Variants in RHBDD1 observed in about 807,000 individuals in gnomAD.
RHBDD1 encodes the protein rhomboid-related protein 4.
A neutral mutation model predicts 36.3 loss-of-function variants in RHBDD1; 38 were observed. That is an observed-to-expected ratio of 1.05 (90% CI 0.81 to 1.37). RHBDD1 has a LOEUF of 1.37. Among genes scored for constraint, RHBDD1 ranks in the 40% most tolerant of loss-of-function variants. The pLI is 0.00. For synonymous variants in RHBDD1, 151 were observed against 136.5 expected (o/e 1.11, Z -0.74); for missense variants, 393 against 377.6 (o/e 1.04, Z -0.34).
intron 3 of RHBDD1, among the ~76,000 whole-genome samples, chr2:226,844,439 A>G (rs1355582895): frequency 1.3e-5 from 2 of 152,230 alleles, no homozygotes; most frequent in African/African-American, 4.8e-5. Context: ...TTGTGGTAAT[A>G]TAACATATAT....
chr2:226,924,783 G>T (rs1314844840), intron 8 of RHBDD1, among the ~76,000 whole-genome samples: 2 of 152,146 alleles, frequency 1.3e-5, no homozygotes, highest in African/African-American at 4.8e-5. Flanking sequence ...TTGCTTTCTG[G>T]CAGTGCTGAG....
At chr2:226,966,284 G>A (rs1952622634) in intron 8 of RHBDD1, among the ~76,000 whole-genome samples, 1 of 152,192 alleles carries the variant, frequency 6.6e-6, no homozygotes, top group African/African-American at 2.4e-5. Context: ...ATCTGTCCTT[G>A]CACTCTTCAC....
chr2:226,875,387 A>T (rs892156620), intron 5 of RHBDD1, among the ~76,000 whole-genome samples: 1 of 152,236 alleles, frequency 6.6e-6, no homozygotes, highest in African/African-American at 2.4e-5. Flanking sequence ...ATCTTGAACA[A>T]TTCTGAATTA....
the RHBDD1 span, among the ~76,000 whole-genome samples, chr2:226,800,594 G>A: frequency 1.3e-5 from 2 of 152,284 alleles, no homozygotes; most frequent in Non-Finnish European, 2.9e-5. Context: ...GTGACGGGGG[G>A]ACTCACACCT....
At chr2:226,830,906 G>A (rs1940725023), upstream of RHBDD1, among the ~76,000 whole-genome samples, 1 of 152,186 alleles carries the variant, frequency 6.6e-6, no homozygotes, top group Non-Finnish European at 1.5e-5. Context: ...CTGGGCTCAA[G>A]CACTTTCTTA....
chr2:226,890,213 A>G (rs2125486359), intron 5 of RHBDD1, among the ~76,000 whole-genome samples: 1 of 152,352 alleles, frequency 6.6e-6, no homozygotes, highest in East Asian at 1.9e-4. Context: ...AAAAGACCTA[A>G]TAAGTGAGTA....
chr2:226,973,150 A>G (rs889162586), intron 8 of RHBDD1, among the ~76,000 whole-genome samples: 1 of 151,984 alleles, frequency 6.6e-6, no homozygotes, highest in African/African-American at 2.4e-5. Context: ...TCCTTTTTGC[A>G]GTGTGTATGT....
Position 226,942,395 on chromosome 2 carries a change from A to G in RHBDD1, c.856+28044A>G, listed in dbSNP as rs532697600. 12 of 175,226 alleles carry G rather than the reference A, an allele frequency of 6.8e-5. No homozygotes were observed. In the East Asian group the frequency reaches 2.2e-3, roughly 33 times the overall value. The allele number at this position is 175,226 out of a possible 1,614,324, so 10.9% of individuals were successfully genotyped here. A position where few individuals can be genotyped will look rare whatever the true frequency, so the allele number is the denominator to read the frequency against. ...GCTGGGACTACAGGTGCCCGCCACCACACCCGGCTAATTTTTTGTATTTTT... is the reference window on the plus strand; with the variant it reads ...GCTGGGACTACAGGTGCCCGCCACCGCACCCGGCTAATTTTTTGTATTTTT... On this transcript the variant is annotated intron_variant, in intron 8 of 8. Coordinates refer to ENST00000392062, the MANE Select transcript of RHBDD1 (RefSeq NM_001167608.3).
chr2:226,946,752 A>G (rs1951017889), intron 8 of RHBDD1, among the ~76,000 whole-genome samples: 1 of 152,200 alleles, frequency 6.6e-6, no homozygotes, highest in African/African-American at 2.4e-5. Flanking sequence ...AAATGGATAA[A>G]TTCCTGGACA....
chr2:226,979,675 C>T (rs893265562), intron 8 of RHBDD1, among the ~76,000 whole-genome samples: 1 of 152,206 alleles, frequency 6.6e-6, no homozygotes, highest in Non-Finnish European at 1.5e-5. Flanking sequence ...TACTGGCAAT[C>T]CACTGGATGG....
intron 8 of RHBDD1, among the ~76,000 whole-genome samples, chr2:226,950,535 T>G (rs945644863): frequency 1.3e-5 from 2 of 152,240 alleles, no homozygotes; most frequent in African/African-American, 4.8e-5. Flanking sequence ...CCTACTGACT[T>G]CAGTTCCTTT....
At chr2:226,827,282 G>GT in the RHBDD1 span, among the ~76,000 whole-genome samples, 1 of 152,148 alleles carries the variant, frequency 6.6e-6, no homozygotes, top group Non-Finnish European at 1.5e-5. Flanking sequence ...GTTTTTAAAA[G>GT]TAAGATTTAA....
intron 5 of RHBDD1, among the ~76,000 whole-genome samples, chr2:226,880,493 A>G (rs1945629137): frequency 6.6e-6 from 1 of 152,182 alleles, no homozygotes; most frequent in Admixed American, 6.5e-5. Flanking sequence ...ATTTTATGAG[A>G]TGAGAAGGAG....
intron 8 of RHBDD1, among the ~76,000 whole-genome samples, chr2:226,939,097 G>T (rs539993082): frequency 5.3e-5 from 8 of 152,212 alleles, no homozygotes; most frequent in Middle Eastern, 3.4e-3. Context: ...GTTAAAAACT[G>T]TCAATAAACT....
chr2:226,877,522 AT>A (rs920803239), intron 5 of RHBDD1, among the ~76,000 whole-genome samples: 66 of 108,950 alleles, frequency 6.1e-4, no homozygotes, highest in African/African-American at 2.1e-3. Flanking sequence ...GGCTTGCTTT[AT>A]TTTTTTAGAA....
At chr2:226,963,211 A>G (rs943028559) in intron 8 of RHBDD1, among the ~76,000 whole-genome samples, 6 of 152,156 alleles carry the variant, frequency 3.9e-5, no homozygotes, top group African/African-American at 1.2e-4. Flanking sequence ...TAAAACTTCT[A>G]TATAGAACAC....
intron 8 of RHBDD1, among the ~76,000 whole-genome samples, chr2:226,983,303 C>T (rs1270195979): frequency 6.6e-6 from 1 of 152,126 alleles, no homozygotes; most frequent in East Asian, 1.9e-4. Flanking sequence ...CTAAATCCAG[C>T]ATCTAGTATT....
chr2:226,957,980 G>A (rs1951892534), intron 8 of RHBDD1, among the ~76,000 whole-genome samples: 1 of 152,100 alleles, frequency 6.6e-6, no homozygotes, highest in Non-Finnish European at 1.5e-5. Context: ...TTGGACAATA[G>A]TCTGGCAGTT....
intron 5 of RHBDD1, among the ~76,000 whole-genome samples, chr2:226,894,855 G>A (rs551249185): frequency 1.1e-3 from 168 of 152,330 alleles, no homozygotes; most frequent in Non-Finnish European, 2.1e-3. Context: ...AGAGGCCACT[G>A]CAGTATCCAG....
Sources: allele counts gnomAD v4.1 joint callset (sites outside exome capture counted in the v4.1 genomes callset), GRCh38; gene constraint gnomAD v4.1.1; transcripts MANE v1.5; gene names NCBI Gene and HGNC (gene_info 2026-07-23, HGNC 2026-07-21).